Variants in CNTN5 observed in about 807,000 individuals in gnomAD.
CNTN5 encodes contactin 5, also known as contactin-5.
CNTN5 carries 77 observed loss-of-function variants against 129.1 expected under a neutral mutation model. That is an observed-to-expected ratio of 0.60 (90% CI 0.50 to 0.72). The LOEUF (loss-of-function observed/expected upper bound fraction) is 0.72. CNTN5 is among the 30% of genes least tolerant of loss of function. The pLI is 0.00. For missense variants in CNTN5, 1,478 were observed against 1,328.8 expected (o/e 1.11, Z -1.75); for synonymous variants, 509 against 465.6 (o/e 1.09, Z -1.20).
intron 8 of CNTN5, among the ~76,000 whole-genome samples, chr11:99,958,790 T>C (rs1016462617): frequency 2.6e-5 from 4 of 152,176 alleles, no homozygotes; most frequent in Admixed American, 1.3e-4. Flanking sequence ...TATCTGAAAA[T>C]TATAACTTTT....
At chr11:99,380,947 T>C (rs553220055) in intron 2 of CNTN5, among the ~76,000 whole-genome samples, 1 of 152,156 alleles carries the variant, frequency 6.6e-6, no homozygotes, top group African/African-American at 2.4e-5. Flanking sequence ...TGTTTAAATA[T>C]TGGAAACGTC....
intron 2 of CNTN5, among the ~76,000 whole-genome samples, chr11:99,547,552 G>T (rs1304486052): frequency 6.6e-6 from 1 of 152,174 alleles, no homozygotes; most frequent in Non-Finnish European, 1.5e-5. Context: ...AAAGATTTAA[G>T]ATGGATATGA....
intron 21 of CNTN5, among the ~76,000 whole-genome samples, chr11:100,338,392 C>A (rs1446424384): frequency 6.6e-6 from 1 of 152,124 alleles, no homozygotes; most frequent in Non-Finnish European, 1.5e-5. Context: ...TATAGCAGCA[C>A]CCTTAGCACC....
At chr11:99,951,058 C>T (rs550490173) in intron 7 of CNTN5, among the ~76,000 whole-genome samples, 6 of 151,608 alleles carry the variant, frequency 4.0e-5, no homozygotes, top group Non-Finnish European at 8.8e-5. Flanking sequence ...CCCTTTCTTC[C>T]ATCAGTTTTA....
intron 8 of CNTN5, among the ~76,000 whole-genome samples, chr11:99,999,943 T>C (rs929693754): frequency 6.8e-6 from 1 of 147,530 alleles, no homozygotes; most frequent in Non-Finnish European, 1.5e-5. Context: ...CACTCATAGA[T>C]AGGAACTGAA....
intron 13 of CNTN5, among the ~76,000 whole-genome samples, chr11:100,157,277 G>A (rs1410744238): frequency 6.6e-6 from 1 of 151,744 alleles, no homozygotes; most frequent in Non-Finnish European, 1.5e-5. Flanking sequence ...TATAGATTAC[G>A]TTTTAGAAAT....
intron 3 of CNTN5, among the ~76,000 whole-genome samples, chr11:99,712,091 CCCA>C (rs1955016519): frequency 6.6e-6 from 1 of 152,098 alleles, no homozygotes; most frequent in African/African-American, 2.4e-5. Context: ...AATTTACACT[CCCA>C]CCAACAGTGT....
chr11:100,348,152 G>C (rs1952328823), intron 23 of CNTN5, among the ~76,000 whole-genome samples: 1 of 151,540 alleles, frequency 6.6e-6, no homozygotes, highest in East Asian at 2.0e-4. Flanking sequence ...ATCTATAAAT[G>C]TCCATATTCT....
At chr11:99,995,445 A>G (rs1015564750) in intron 8 of CNTN5, among the ~76,000 whole-genome samples, 1 of 152,196 alleles carries the variant, frequency 6.6e-6, no homozygotes, top group Non-Finnish European at 1.5e-5. Flanking sequence ...TTCAAAACCT[A>G]CATAACAAAT....
intron 18 of CNTN5, among the ~76,000 whole-genome samples, chr11:100,274,253 C>A (rs970771709): frequency 6.6e-6 from 1 of 152,016 alleles, no homozygotes; most frequent in East Asian, 1.9e-4. Flanking sequence ...ATGTAAGATA[C>A]AAAACTATCA....
At chr11:100,026,787 C>G (rs1941440910) in intron 9 of CNTN5, among the ~76,000 whole-genome samples, 1 of 151,962 alleles carries the variant, frequency 6.6e-6, no homozygotes, top group African/African-American at 2.4e-5. Flanking sequence ...AGTCTTTTAT[C>G]AGATGTCTTT....
chr11:100,099,338 GCTAGGATTTC>G (rs1006524814), intron 13 of CNTN5, among the ~76,000 whole-genome samples: 2 of 151,998 alleles, frequency 1.3e-5, no homozygotes, highest in African/African-American at 2.4e-5. Context: ...TAGGGAAAGG[GCTAGGATTTC>G]CTGATTCTTA....
intron 1 of CNTN5, among the ~76,000 whole-genome samples, chr11:99,274,515 T>C (rs778402452): frequency 3.1e-4 from 47 of 151,618 alleles, no homozygotes; most frequent in Non-Finnish European, 6.2e-4. Context: ...GTGTTTGATA[T>C]ATAATTAGTA....
rs149309241 is a variant in CNTN5 at position 100,003,598 on chromosome 11, T to A, written c.980+1462T>A. ...CTAGACTTATAGGAAAAAACCAATA[T>A]AAATATTTCCCCAGGCAAGCTTATT... On this transcript the variant is annotated intron_variant, in intron 9 of 24. Coordinates refer to ENST00000524871, the MANE Select transcript of CNTN5 (RefSeq NM_014361.4). Among the ~76,000 whole-genome samples, 876 of 152,280 alleles carry A rather than the reference T, an allele frequency of 5.8e-3. 10 individuals carry two copies. The highest frequency in any genetic ancestry group is 0.02 in the African/African-American group (838 of 41,568).
At chr11:99,401,896 A>G (rs1175300310) in intron 2 of CNTN5, among the ~76,000 whole-genome samples, 1 of 151,812 alleles carries the variant, frequency 6.6e-6, no homozygotes, top group African/African-American at 2.4e-5. Context: ...TAGAAATTCT[A>G]TTGATTTTTG....
chr11:99,233,161 C>A (rs938029428), intron 1 of CNTN5, among the ~76,000 whole-genome samples: 1 of 152,106 alleles, frequency 6.6e-6, no homozygotes, highest in Non-Finnish European at 1.5e-5. Flanking sequence ...AAACAAAAGT[C>A]CTTTATAGTG....
chr11:100,303,483 G>T (rs997225060), intron 20 of CNTN5, among the ~76,000 whole-genome samples: 11 of 151,492 alleles, frequency 7.3e-5, no homozygotes, highest in Non-Finnish European at 1.2e-4. Flanking sequence ...AAGAACTGGA[G>T]CATTCAATTA....
chr11:99,974,355 C>T (rs570479528), intron 8 of CNTN5, among the ~76,000 whole-genome samples: 8 of 152,260 alleles, frequency 5.3e-5, no homozygotes, highest in South Asian at 2.1e-4. Context: ...TGAGAGGTCT[C>T]GAGCTACAGA....
At chr11:100,203,966 A>G (rs375636312) in intron 15 of CNTN5, among the ~76,000 whole-genome samples, 1 of 151,762 alleles carries the variant, frequency 6.6e-6, no homozygotes, top group East Asian at 2.0e-4. Context: ...ACTGCCAAGA[A>G]TACTCTTCCC....
Sources: gnomAD v4.1 joint callset for allele counts (sites outside exome capture counted in the v4.1 genomes callset) on GRCh38, gnomAD v4.1.1 for gene constraint, MANE v1.5 for transcripts, NCBI Gene and HGNC (gene_info 2026-07-23, HGNC 2026-07-21) for gene names.